Variants in TRHDE observed in about 807,000 individuals in gnomAD.
The protein encoded by TRHDE is thyrotropin releasing hormone degrading enzyme.
In TRHDE, 72 loss-of-function variants were observed where a neutral mutation model predicts 125.7. The ratio of observed to expected loss-of-function variants is 0.57; its 90% CI spans 0.47 to 0.70. TRHDE has a LOEUF of 0.70. Among genes scored for constraint, TRHDE ranks in the 30% least tolerant of loss-of-function variants. TRHDE has a pLI of 0.00. For missense variants in TRHDE, 1,110 were observed against 1,327.1 expected (o/e 0.84, Z 2.54); for synonymous variants, 509 against 509.1 (o/e 1.00, Z 0.00).
intron 15 of TRHDE, among the ~76,000 whole-genome samples, chr12:72,638,924 G>A (rs1414476481): frequency 6.7e-6 from 1 of 149,820 alleles, no homozygotes; most frequent in African/African-American, 2.5e-5. Flanking sequence ...CTTCCTCTCT[G>A]GCTGCCCTTA....
intron 12 of TRHDE, among the ~76,000 whole-genome samples, chr12:72,603,014 A>G (rs1008337782): frequency 1.3e-5 from 2 of 152,214 alleles, no homozygotes; most frequent in African/African-American, 2.4e-5. Flanking sequence ...CAACAGAACT[A>G]TAACACCAAG....
intron 5 of TRHDE, among the ~76,000 whole-genome samples, chr12:72,495,765 T>A (rs752030946): frequency 1.3e-5 from 2 of 152,168 alleles, no homozygotes; most frequent in Non-Finnish European, 2.9e-5. Flanking sequence ...ATGGCAGTGT[T>A]ATTTTATATG....
At chr12:72,373,592 GGTAA>G (rs1420291587) in intron 2 of TRHDE, among the ~76,000 whole-genome samples, 9 of 152,176 alleles carry the variant, frequency 5.9e-5, no homozygotes, top group African/African-American at 1.9e-4. Context: ...GCTAAATGGT[GGTAA>G]GTGTTTCAGG....
At chr12:72,517,971 A>G (rs900891982) in intron 6 of TRHDE, among the ~76,000 whole-genome samples, 2 of 151,400 alleles carry the variant, frequency 1.3e-5, no homozygotes, top group Admixed American at 1.3e-4. Context: ...GAGATTCTTA[A>G]TCCTGAGTTC....
At chr12:72,209,264 CT>C (rs1277338927) in intron 2 of TRHDE, among the ~76,000 whole-genome samples, 1 of 152,160 alleles carries the variant, frequency 6.6e-6, no homozygotes, top group African/African-American at 2.4e-5. Flanking sequence ...CTGGGGTCTT[CT>C]TGAGGACACT....
At chr12:72,592,555 A>G (rs1871728396) in intron 12 of TRHDE, among the ~76,000 whole-genome samples, 1 of 146,396 alleles carries the variant, frequency 6.8e-6, no homozygotes, top group African/African-American at 2.5e-5. Context: ...AGTTGTGGTG[A>G]TTTTTTTTTT....
At chr12:72,604,637 A>G (rs1049552953) in intron 12 of TRHDE, among the ~76,000 whole-genome samples, 1 of 152,072 alleles carries the variant, frequency 6.6e-6, no homozygotes, top group Non-Finnish European at 1.5e-5. Context: ...TTAAACTAAT[A>G]TAATTCTTAT....
intron 15 of TRHDE, among the ~76,000 whole-genome samples, chr12:72,624,522 G>A (rs1022698226): frequency 1.1e-4 from 17 of 151,854 alleles, no homozygotes; most frequent in African/African-American, 3.9e-4. Context: ...TTGGGGATAT[G>A]GGTAAAATCA....
chr12:72,448,126 A>G (rs1875390363), intron 3 of TRHDE, among the ~76,000 whole-genome samples: 2 of 151,934 alleles, frequency 1.3e-5, no homozygotes, highest in Admixed American at 6.6e-5. Flanking sequence ...AATGCATTCT[A>G]TTTTTGTGCT....
intron 6 of TRHDE, among the ~76,000 whole-genome samples, chr12:72,510,919 G>C (rs1339475869): frequency 1.3e-5 from 2 of 152,140 alleles, no homozygotes; most frequent in Non-Finnish European, 2.9e-5. Flanking sequence ...AGGATAGAGG[G>C]CTAAGAGGTG....
chr12:72,443,173 A>G (rs867480022), intron 3 of TRHDE, among the ~76,000 whole-genome samples: 6 of 148,382 alleles, frequency 4.0e-5, no homozygotes, highest in South Asian at 2.1e-4. Context: ...TTTTCCACAC[A>G]TACTTCGCTA....
At chr12:72,379,267 T>C (rs532113331) in intron 3 of TRHDE, among the ~76,000 whole-genome samples, 1 of 152,366 alleles carries the variant, frequency 6.6e-6, no homozygotes, top group East Asian at 1.9e-4. Context: ...ATACAATTTT[T>C]ATGAGTGATA....
intron 2 of TRHDE, chr12:72,186,375 C>T (rs1300015610): frequency 6.4e-6 from 1 of 156,178 alleles, no homozygotes; most frequent in Admixed American, 6.5e-5. Flanking sequence ...CGAACAACTC[C>T]AGACGCGCTG....
chr12:72,189,284 T>C (rs1309049171), intron 2 of TRHDE, among the ~76,000 whole-genome samples: 1 of 152,204 alleles, frequency 6.6e-6, no homozygotes, highest in African/African-American at 2.4e-5. Flanking sequence ...TAATTTTAAA[T>C]AGTAGGATTT....
intron 6 of TRHDE, among the ~76,000 whole-genome samples, chr12:72,517,773 T>G (rs1351082847): frequency 6.6e-6 from 1 of 151,004 alleles, no homozygotes; most frequent in Admixed American, 6.6e-5. Flanking sequence ...CTTTCTCTTG[T>G]GGGCATTTAG....
chr12:72,240,345 ATATT>A (rs1256487761), intron 2 of TRHDE, among the ~76,000 whole-genome samples: 10 of 148,570 alleles, frequency 6.7e-5, no homozygotes, highest in African/African-American at 2.2e-4. Flanking sequence ...GTATATATAT[ATATT>A]TGTGTATATA....
Position 72,273,679 on chromosome 12 carries a change from A to G in TRHDE, c.914+122A>G. The G allele has an allele frequency of 2.1e-6, 2 of 950,616 alleles. No individual in the cohort carries two copies. Among genetic ancestry groups the G allele is most frequent in the East Asian group, 2.4e-5 (1 of 41,102 alleles). 58.9% of individuals were successfully genotyped at this position (950,616 alleles called of 1,614,324 possible). Reference sequence around the variant, plus strand: ...ACCCGGGAAGCCAGGGGTGGGGGGAAGGAAACGAAAGCGGAGTAGGGCAGT... The same window carrying G: ...ACCCGGGAAGCCAGGGGTGGGGGGAGGGAAACGAAAGCGGAGTAGGGCAGT... On this transcript the variant is annotated intron_variant, in intron 1 of 18. Transcript: ENST00000261180. This position sits in a 1 kb window ranked among gnomAD's most constrained non-coding sequence, Gnocchi z 5.3.
At chr12:72,150,775 C>T (rs1876342820) in intron 2 of TRHDE, among the ~76,000 whole-genome samples, 1 of 151,984 alleles carries the variant, frequency 6.6e-6, no homozygotes, top group Non-Finnish European at 1.5e-5. Flanking sequence ...ATATGTGCCA[C>T]ATTTTCTTAA....
chr12:72,165,776 A>G lies in TRHDE; in HGVS notation n.279+60024A>G, dbSNP rs1403137794. On this transcript the variant is annotated intron_variant and non_coding_transcript_variant, in intron 2 of 4. Coordinates refer to the TRHDE transcript ENST00000548156. ...TGCAAGCTGCGCCTCCTGGGTTCAC[A>G]CCATTCTCCTGCCTCAGCCTCCTGA... Among the ~76,000 whole-genome samples the G allele has an allele frequency of 2.0e-5, 3 of 151,454 alleles. No individual in the cohort carries two copies. The East Asian group carries it at 5.9e-4, about 30-fold the overall frequency.
Sources: allele counts gnomAD v4.1 joint callset (sites outside exome capture counted in the v4.1 genomes callset), GRCh38; gene constraint gnomAD v4.1.1; non-coding constraint Gnocchi (gnomAD v3.1); transcripts MANE v1.5; gene names NCBI Gene and HGNC (gene_info 2026-07-23, HGNC 2026-07-21).